DYNC2I1: variants seen among roughly 807,000 people sequenced by gnomAD.
DYNC2I1 encodes the protein cytoplasmic dynein 2 intermediate chain 1.
In DYNC2I1, 89 loss-of-function variants were observed where a neutral mutation model predicts 133.4. That is an observed-to-expected ratio of 0.67 (90% CI 0.56 to 0.80). The LOEUF (loss-of-function observed/expected upper bound fraction) is 0.80, where lower values mean the gene tolerates loss of function less well. Among genes scored for constraint, DYNC2I1 ranks in the 30% least tolerant of loss-of-function variants. The probability of loss-of-function intolerance (pLI) is 0.00; values close to 1 mark genes in which losing one functional copy is unlikely to be tolerated. For synonymous variants in DYNC2I1, 504 were observed against 484.3 expected, an observed-to-expected ratio of 1.04 and a Z score of -0.54; for missense variants, 1,291 against 1,314.5, an observed-to-expected ratio of 0.98 and a Z score of 0.28.
At chr7:158,891,372 C>T (rs767982901) in intron 8 of DYNC2I1, 39 bp downstream of exon 8, 1 of 1,611,076 alleles carries the variant, frequency 6.2e-7, no homozygotes. Flanking sequence ...GCAATCCTGT[C>T]CCAGCACAGA....
intron 10 of DYNC2I1, 198 bp downstream of exon 10, chr7:158,902,793 TC>T: frequency 1.7e-6 from 1 of 572,962 alleles, no homozygotes; most frequent in Non-Finnish European, 3.1e-6. Context: ...CATCCAGAAT[TC>T]TCTTACACAG....
chr7:158,881,080 T>A (rs532784808), intron 5 of DYNC2I1, among the ~76,000 whole-genome samples: 46 of 152,332 alleles, frequency 3.0e-4, no homozygotes, highest in African/African-American at 1.1e-3. Context: ...CGAATGCCAG[T>A]GGGTTAGAAC....
In DYNC2I1 at chr7:158,945,284, C is replaced by G. The variant is rs991615739; in HGVS notation, c.3003-297C>G. On this transcript the variant is annotated intron_variant, in intron 24 of 24. Transcript: ENST00000407559. This position sits in a 1 kb window ranked among gnomAD's most constrained non-coding sequence, Gnocchi z 4.1. Reference sequence around the variant, plus strand: ...CTGATAGATGGGCCTGCCTGTGCTGCTGATGGCCCCCACCTTCTCCAGGGA... The same window carrying G: ...CTGATAGATGGGCCTGCCTGTGCTGGTGATGGCCCCCACCTTCTCCAGGGA... Among the ~76,000 whole-genome samples the G allele has an allele frequency of 6.6e-6, 1 of 152,104 alleles. No individual in the cohort carries two copies.
At chr7:158,878,334 GC>G (rs1843588237) in intron 4 of DYNC2I1, among the ~76,000 whole-genome samples, 1 of 147,006 alleles carries the variant, frequency 6.8e-6, no homozygotes, top group Admixed American at 6.7e-5. Context: ...GACTGTGAGT[GC>G]CGGGCACCAT....
At chr7:158,891,907 C>T (rs10254801) in intron 8 of DYNC2I1, among the ~76,000 whole-genome samples, 1 of 110,408 alleles carries the variant, frequency 9.1e-6, no homozygotes, top group African/African-American at 3.0e-5. Context: ...GAGCTTGATG[C>T]AGAGCACGGC....
chr7:158,912,013 C>T (rs906049492), intron 12 of DYNC2I1, among the ~76,000 whole-genome samples: 7 of 152,160 alleles, frequency 4.6e-5, no homozygotes, highest in Admixed American at 6.5e-5. Context: ...CTCACTCTGT[C>T]GCCCAGGCCA....
chr7:158,847,700 T>A, the DYNC2I1 span, among the ~76,000 whole-genome samples: 1 of 152,224 alleles, frequency 6.6e-6, no homozygotes, highest in Non-Finnish European at 1.5e-5. Flanking sequence ...GAGTGCTGGA[T>A]TGGGCCTTAA....
At position 158,879,979 on chromosome 7, in the gene DYNC2I1, GGGAATCCCA is replaced by G. The variant is rs752732295; in HGVS notation, c.872_879+1del. 1 of 1,593,684 alleles carries G rather than the reference GGGAATCCCA, an allele frequency of 6.3e-7. No homozygotes were observed. Among genetic ancestry groups the G allele is most frequent in the South Asian group, 1.1e-5 (1 of 87,936 alleles). On this transcript the variant is annotated inframe_deletion and splice_region_variant, in exon 5 of 25. Coordinates refer to ENST00000407559, the MANE Select transcript of DYNC2I1 (RefSeq NM_018051.5). ...TCGGCAAAAGATGAGCCCAGGAAAAGGGAATCCCAGGTACCCCTTCTGATGCTTCGTTGC... is the reference window on the plus strand; with the variant it reads ...TCGGCAAAAGATGAGCCCAGGAAAAGGGTACCCCTTCTGATGCTTCGTTGC...
At chr7:158,879,640 T>A in intron 4 of DYNC2I1, 44 bp from the exon 5 acceptor site, 3 of 1,519,150 alleles carry the variant, frequency 2.0e-6, no homozygotes, top group Non-Finnish European at 2.6e-6. Context: ...GCTGCACTCC[T>A]ATTTGATGTG....
intron 16 of DYNC2I1, among the ~76,000 whole-genome samples, 179 bp downstream of exon 16, chr7:158,922,728 C>T (rs959795315): frequency 7.9e-5 from 12 of 152,172 alleles, no homozygotes; most frequent in African/African-American, 2.7e-4. Flanking sequence ...CAGCGAGACA[C>T]ATGGGTGTGC....
chr7:158,885,828 G>A (rs1395319805), intron 6 of DYNC2I1, among the ~76,000 whole-genome samples: 1 of 152,018 alleles, frequency 6.6e-6, no homozygotes, highest in Non-Finnish European at 1.5e-5. Context: ...CCACTAGAAG[G>A]CACAATAAGA....
rs114475576 is a variant in DYNC2I1 at position 158,906,872 on chromosome 7, A to G, written c.1460+781A>G. Among the ~76,000 whole-genome samples the G allele has an allele frequency of 6.9e-3, 1,046 of 152,242 alleles. 9 individuals are homozygous for G. Among genetic ancestry groups the G allele is most frequent in the African/African-American group, 0.024 (988 of 41,580 alleles). On this transcript the variant is annotated intron_variant, in intron 11 of 24. Transcript: ENST00000407559. ...TACTAAATGAAAAAATCAATCATTA[A>G]TAATAAAAGTGGTTGGGCATGGTGG...
At chr7:158,901,858 T>A in intron 9 of DYNC2I1, 42 bp downstream of exon 9, 1 of 1,406,040 alleles carries the variant, frequency 7.1e-7, no homozygotes, top group Admixed American at 2.5e-5. Flanking sequence ...TAAAAATCAT[T>A]TATTCTTAAA....
chr7:158,923,488 A>G, intron 16 of DYNC2I1, 83 bp from the exon 17 acceptor site: 2 of 1,595,242 alleles, frequency 1.3e-6, no homozygotes, highest in Non-Finnish European at 1.7e-6. Flanking sequence ...ACATGGTCAG[A>G]CACCCCACTC....
Position 158,881,062 on chromosome 7 carries a change from G to A in DYNC2I1, c.879+1073G>A, listed in dbSNP as rs9654724. ...GCTGGTGGCCACTGCAGTGTTTACTGTAAAACGCGAATGCCAGTGGGTTAG... is the reference window on the plus strand; with the variant it reads ...GCTGGTGGCCACTGCAGTGTTTACTATAAAACGCGAATGCCAGTGGGTTAG... On this transcript the variant is annotated intron_variant, in intron 5 of 24. Coordinates refer to ENST00000407559, the MANE Select transcript of DYNC2I1 (RefSeq NM_018051.5). 4.1e-3 allele frequency among the ~76,000 whole-genome samples: 620 copies of A among 152,364 alleles called. 10 individuals carry two copies. The highest frequency in any genetic ancestry group is 0.014 in the African/African-American group (566 of 41,592).
intron 11 of DYNC2I1, among the ~76,000 whole-genome samples, chr7:158,910,123 TAACA>T (rs1847247834): frequency 6.6e-6 from 1 of 152,172 alleles, no homozygotes; most frequent in South Asian, 2.1e-4. Flanking sequence ...CAGTGAGGAG[TAACA>T]AACAAATATC....
At chr7:158,897,829 A>C (rs1406651024) in intron 8 of DYNC2I1, among the ~76,000 whole-genome samples, 1 of 152,174 alleles carries the variant, frequency 6.6e-6, no homozygotes, top group Non-Finnish European at 1.5e-5. Flanking sequence ...CCAAGCTAGA[A>C]ACTTAGATGA....
chr7:158,914,454 A>C, intron 14 of DYNC2I1, 133 bp downstream of exon 14: 1 of 709,442 alleles, frequency 1.4e-6, no homozygotes, highest in Non-Finnish European at 2.2e-6. Context: ...TTCATTTTCA[A>C]GTATTATTTT....
intron 7 of DYNC2I1, among the ~76,000 whole-genome samples, chr7:158,887,844 G>A (rs1844758752): frequency 6.6e-6 from 1 of 152,044 alleles, no homozygotes; most frequent in Non-Finnish European, 1.5e-5. Context: ...ATGTATTTAT[G>A]CACAGGGAGA....
Sources: allele counts gnomAD v4.1 joint callset (sites outside exome capture counted in the v4.1 genomes callset), GRCh38; gene constraint gnomAD v4.1.1; non-coding constraint Gnocchi (gnomAD v3.1); transcripts MANE v1.5; gene names NCBI Gene and HGNC (gene_info 2026-07-23, HGNC 2026-07-21).